Variants in SLC38A12 observed in about 807,000 individuals in gnomAD.
SLC38A12 encodes putative sodium-coupled neutral amino acid transporter 12.
At chr17:74,833,933 C>G in the SLC38A12 span, among the ~76,000 whole-genome samples, 2 of 152,106 alleles carry the variant, frequency 1.3e-5, no homozygotes, top group South Asian at 2.1e-4. Context: ...CCAGGTGCCC[C>G]GGGCCCAGTC....
At chr17:74,797,863 T>G in the SLC38A12 span, among the ~76,000 whole-genome samples, 2 of 152,188 alleles carry the variant, frequency 1.3e-5, no homozygotes, top group Non-Finnish European at 2.9e-5. Context: ...CTTATCCCTG[T>G]GCGTCTTTGT....
At chr17:74,792,427 G>A in the SLC38A12 span, among the ~76,000 whole-genome samples, 1 of 152,174 alleles carries the variant, frequency 6.6e-6, no homozygotes, top group Non-Finnish European at 1.5e-5. Flanking sequence ...CTCCAGTCTG[G>A]GCTGCAGAGT....
the SLC38A12 span, among the ~76,000 whole-genome samples, chr17:74,781,302 CTTTT>C: frequency 2.7e-4 from 40 of 150,386 alleles, no homozygotes; most frequent in Non-Finnish European, 5.2e-4. Flanking sequence ...CCATTACTTT[CTTTT>C]TTTTTTCTTA....
the SLC38A12 span, chr17:74,785,366 A>G: frequency 6.9e-7 from 1 of 1,439,480 alleles, no homozygotes; most frequent in African/African-American, 1.4e-5. Flanking sequence ...TTCCCTGTCT[A>G]CAGTGTGGCC....
the SLC38A12 span, among the ~76,000 whole-genome samples, chr17:74,819,273 C>T: frequency 1.3e-5 from 2 of 152,254 alleles, no homozygotes; most frequent in Non-Finnish European, 2.9e-5. Context: ...TCCTCTCCTG[C>T]GAGGCTTCGT....
chr17:74,837,622 G>A, the SLC38A12 span: 51 of 985,368 alleles, frequency 5.2e-5, no homozygotes, highest in Admixed American at 1.2e-4. Flanking sequence ...CACTAAAAGC[G>A]GCTCCCTTAG....
At chr17:74,795,461 G>A in the SLC38A12 span, 1 of 1,478,904 alleles carries the variant, frequency 6.8e-7, no homozygotes, top group East Asian at 2.3e-5. Context: ...AGTGGCTTCT[G>A]TCTCCCCCAG....
At chr17:74,786,732 T>A in the SLC38A12 span, among the ~76,000 whole-genome samples, 18 of 152,228 alleles carry the variant, frequency 1.2e-4, 1 homozygote, top group African/African-American at 4.3e-4. Flanking sequence ...ACGCCCATGG[T>A]TTTCAGTTTC....
chr17:74,837,788 A>C, the SLC38A12 span: 4 of 985,920 alleles, frequency 4.1e-6, no homozygotes, highest in Non-Finnish European at 4.8e-6. Context: ...CCTGGGAAAC[A>C]CAGGTGACTC....
the SLC38A12 span, among the ~76,000 whole-genome samples, chr17:74,811,087 T>C: frequency 2.7e-4 from 41 of 152,340 alleles, no homozygotes; most frequent in East Asian, 2.1e-3. Flanking sequence ...CCTAGCACTT[T>C]GGGAGGCCAA....
chr17:74,834,422 G>A, the SLC38A12 span, among the ~76,000 whole-genome samples: 158 of 152,062 alleles, frequency 1.0e-3, no homozygotes, highest in African/African-American at 3.7e-3. Flanking sequence ...CGGTTTCCAC[G>A]CTCCCCTCCT....
chr17:74,788,813 A>G, the SLC38A12 span: 1 of 1,613,432 alleles, frequency 6.2e-7, no homozygotes, highest in African/African-American at 1.3e-5. Flanking sequence ...CCTTTGTGAT[A>G]GAGGCCATGG....
the SLC38A12 span, among the ~76,000 whole-genome samples, chr17:74,820,109 C>G: frequency 6.6e-6 from 1 of 152,308 alleles, no homozygotes; most frequent in Non-Finnish European, 1.5e-5. Flanking sequence ...GGGGCTAGAG[C>G]CCAGGATTGT....
At chr17:74,782,476 G>C in the SLC38A12 span, among the ~76,000 whole-genome samples, 1 of 152,154 alleles carries the variant, frequency 6.6e-6, no homozygotes, top group Admixed American at 6.5e-5. Flanking sequence ...CAAGCACAGG[G>C]CCCGGTCTGT....
chr17:74,810,621 AG>A, the SLC38A12 span, among the ~76,000 whole-genome samples: 1 of 152,240 alleles, frequency 6.6e-6, no homozygotes, highest in African/African-American at 2.4e-5. Context: ...AGAACCCGAC[AG>A]CCTGTCCTGG....
At chr17:74,821,313 G>C in the SLC38A12 span, among the ~76,000 whole-genome samples, 1 of 152,218 alleles carries the variant, frequency 6.6e-6, no homozygotes, top group Non-Finnish European at 1.5e-5. Context: ...GGAGCGGGAG[G>C]ACACCTGTCC....
chr17:74,804,634 C>T, the SLC38A12 span, among the ~76,000 whole-genome samples: 1 of 152,210 alleles, frequency 6.6e-6, no homozygotes, highest in Non-Finnish European at 1.5e-5. Flanking sequence ...GCAGATACCC[C>T]ATGTGAGTGT....
At chr17:74,790,098 C>A in the SLC38A12 span, 1 of 901,228 alleles carries the variant, frequency 1.1e-6, no homozygotes, top group Non-Finnish European at 1.8e-6. Context: ...GGACTACAGG[C>A]ACATGACACC....
the SLC38A12 span, among the ~76,000 whole-genome samples, chr17:74,822,289 C>T: frequency 9.8e-5 from 15 of 152,336 alleles, no homozygotes; most frequent in Middle Eastern, 3.4e-3. Flanking sequence ...GACCCTGCTT[C>T]CCCAGAGTCA....
Sources: allele counts gnomAD v4.1 joint callset (sites outside exome capture counted in the v4.1 genomes callset), GRCh38; gene constraint gnomAD v4.1.1; transcripts MANE v1.5; gene names NCBI Gene and HGNC (gene_info 2026-07-23, HGNC 2026-07-21).